PTGIS: variants seen among roughly 807,000 people sequenced by gnomAD.
PTGIS encodes prostaglandin I2 synthase, also known as prostacyclin synthase.
PTGIS carries 45 observed loss-of-function variants against 50.3 expected under a neutral mutation model. That is an observed-to-expected ratio of 0.90 (90% confidence interval 0.70 to 1.15). The LOEUF (loss-of-function observed/expected upper bound fraction) is 1.15, where lower values mean the gene tolerates loss of function less well. Ranked by LOEUF, PTGIS falls within the 50% of genes most tolerant of loss-of-function variation. The pLI is 0.00. For synonymous variants in PTGIS, 260 were observed against 267.7 expected, an observed-to-expected ratio of 0.97 and a Z score of 0.28; for missense variants, 668 against 661.3, an observed-to-expected ratio of 1.01 and a Z score of -0.11.
intron 6 of PTGIS, among the ~76,000 whole-genome samples, chr20:49,520,581 G>A (rs1434815931): frequency 1.3e-5 from 2 of 151,994 alleles, no homozygotes; most frequent in Admixed American, 6.5e-5. Flanking sequence ...TTATCTGCCT[G>A]CCTTGGCCTC....
intron 1 of PTGIS, among the ~76,000 whole-genome samples, chr20:49,560,327 G>A (rs956690612): frequency 2.0e-5 from 3 of 152,134 alleles, no homozygotes; most frequent in African/African-American, 7.2e-5. Context: ...AGCCTCCCGA[G>A]TAGCTGGCAC....
intron 6 of PTGIS, among the ~76,000 whole-genome samples, chr20:49,520,790 C>T (rs905683466): frequency 1.3e-5 from 2 of 152,106 alleles, no homozygotes; most frequent in African/African-American, 4.8e-5. Flanking sequence ...CCTCAGCCTC[C>T]CAAGTAGCTG....
intron 1 of PTGIS, among the ~76,000 whole-genome samples, chr20:49,551,836 G>A (rs1982518836): frequency 6.8e-6 from 1 of 146,802 alleles, no homozygotes. Context: ...GTGTGTGTGT[G>A]TGTGTGTGTA....
At chr20:49,510,631 C>A (rs555113963) in intron 9 of PTGIS, among the ~76,000 whole-genome samples, 2 of 152,224 alleles carry the variant, frequency 1.3e-5, no homozygotes, top group East Asian at 3.9e-4. Context: ...GGCTCTCGGC[C>A]CCACAGGTAT....
chr20:49,560,804 G>A lies in PTGIS; in HGVS notation c.74+7239C>T, dbSNP rs139610481. 9.4e-3 allele frequency among the ~76,000 whole-genome samples: 1,426 copies of A among 152,318 alleles called. 11 individuals are homozygous for A. The highest frequency in any genetic ancestry group is 0.012 in the Non-Finnish European group (790 of 68,030). ...GGAGTGGAGAATGTGGGGACGAGAC[G>A]TAGGCGATGATGCTGGAGATGACTT... On this transcript the variant is annotated intron_variant, in intron 1 of 9. Transcript: ENST00000244043.
intron 6 of PTGIS, among the ~76,000 whole-genome samples, chr20:49,515,112 T>G (rs6019880): frequency 6.6e-6 from 1 of 152,058 alleles, no homozygotes; most frequent in Admixed American, 6.5e-5. Flanking sequence ...CTAACTGGTG[T>G]GATATCTAAA....
intron 1 of PTGIS, 92 bp from the exon 2 acceptor site, chr20:49,550,281 C>T (rs1335341116): frequency 1.6e-5 from 24 of 1,531,214 alleles, no homozygotes; most frequent in Middle Eastern, 2.3e-4. Flanking sequence ...ATGGAGCAGT[C>T]GGGGAGGTAA....
At chr20:49,554,415 G>A (rs376034454) in intron 1 of PTGIS, among the ~76,000 whole-genome samples, 7 of 152,268 alleles carry the variant, frequency 4.6e-5, no homozygotes, top group African/African-American at 1.7e-4. Flanking sequence ...TTACATCCTT[G>A]TAACTTTCTG....
intron 5 of PTGIS, among the ~76,000 whole-genome samples, chr20:49,530,156 A>C (rs75304782): frequency 3.2e-3 from 4 of 1,242 alleles, no homozygotes; most frequent in South Asian, 0.33. Flanking sequence ...CTCTGTCTCA[A>C]AAAAAAAAAA....
intron 6 of PTGIS, among the ~76,000 whole-genome samples, chr20:49,523,512 G>C (rs975679231): frequency 7.9e-5 from 12 of 151,558 alleles, no homozygotes; most frequent in Non-Finnish European, 1.8e-4. Context: ...AAAACAAAAA[G>C]AAGCTGGGCG....
intron 5 of PTGIS, among the ~76,000 whole-genome samples, chr20:49,529,588 G>A (rs576571364): frequency 5.0e-4 from 76 of 152,168 alleles, no homozygotes; most frequent in African/African-American, 1.7e-3. Flanking sequence ...GTTTGAAATC[G>A]CACACCATTC....
Position 49,523,985 on chromosome 20 carries a change from GCA to G in PTGIS, c.855+71_855+72del, listed in dbSNP as rs1357484061. Reference sequence around the variant, plus strand: ...CACACCTGCACAGGTGCACAGACATGCACACACACATGCGTTCATATCGCAAC... The same window carrying G: ...CACACCTGCACAGGTGCACAGACATGCACACACATGCGTTCATATCGCAAC... On this transcript the variant is annotated intron_variant, in intron 6 of 9. Transcript: ENST00000244043. 24 of 1,558,904 alleles carry G rather than the reference GCA, an allele frequency of 1.5e-5. No homozygotes were observed. The East Asian group carries it at 4.5e-4, about 29-fold the overall frequency.
In PTGIS at chr20:49,539,689, G is replaced by C. The variant is rs750488194; in HGVS notation, c.554C>G (p.Ala185Gly). 100 of 1,613,304 alleles carry C rather than the reference G, an allele frequency of 6.2e-5. 1 individual carries two copies. The highest frequency in any genetic ancestry group is 1.4e-5 in the Non-Finnish European group (17 of 1,179,938). Reference sequence around the variant, plus strand: ...CTGGCTTTCATGGGTGCGTGGCAGCGCCTCAATTCCGTAAAGAGTCAGGTA... The same window carrying C: ...CTGGCTTTCATGGGTGCGTGGCAGCCCCTCAATTCCGTAAAGAGTCAGGTA... ...AGYLTLYGIE[A>G]LPRTHESQAQ... The change falls in exon 5 of 10, where the codon GCG becomes GGG. Residue 185 changes from alanine to glycine, a missense_variant. Ala to Gly is a moderately conservative substitution (Grantham distance 60). Transcript: ENST00000244043.
rs1982956765 is a variant in PTGIS, at chr20:49,568,129, G to T, written c.-13C>A. 3 of 1,155,326 alleles carry T rather than the reference G, an allele frequency of 2.6e-6. No individual in the cohort carries two copies. The highest frequency in any genetic ancestry group is 2.2e-6 in the Non-Finnish European group (2 of 891,164). 71.6% of individuals were successfully genotyped at this position (1,155,326 alleles called of 1,614,324 possible). A position where few individuals can be genotyped will look rare whatever the true frequency, so the allele number is the denominator to read the frequency against. On this transcript the variant is annotated 5_prime_UTR_variant, in exon 1 of 10. Coordinates refer to ENST00000244043, the MANE Select transcript of PTGIS (RefSeq NM_000961.4). ...CGGCCCAAGCCATCGCGGGGCTGGCGGGGCTGGCGGGGCTGGCGGGGCTGG... is the reference window on the plus strand; with the variant it reads ...CGGCCCAAGCCATCGCGGGGCTGGCTGGGCTGGCGGGGCTGGCGGGGCTGG...
At position 49,524,713 on chromosome 20, in the gene PTGIS, T is replaced by C. The variant is rs142055372; in HGVS notation, c.674-474A>G. Among the ~76,000 whole-genome samples, 22 of 152,202 alleles carry C rather than the reference T, an allele frequency of 1.4e-4. No individual in the cohort carries two copies. In the East Asian group the frequency reaches 2.7e-3, roughly 19 times the overall value. On this transcript the variant is annotated intron_variant, in intron 5 of 9. Coordinates refer to ENST00000244043, the MANE Select transcript of PTGIS (RefSeq NM_000961.4). ...TGGAAGGTGAAAGGCACATCTTACA[T>C]GGCGGCAAGCAAGAGAAAATGAAAG...
intron 1 of PTGIS, among the ~76,000 whole-genome samples, chr20:49,550,911 G>A (rs1258890162): frequency 6.6e-6 from 1 of 152,136 alleles, no homozygotes; most frequent in Non-Finnish European, 1.5e-5. Flanking sequence ...CTTTGTAGAT[G>A]GTAAAGTGCA....
intron 5 of PTGIS, among the ~76,000 whole-genome samples, chr20:49,528,177 G>C (rs1177735550): frequency 6.6e-6 from 1 of 152,152 alleles, no homozygotes; most frequent in Non-Finnish European, 1.5e-5. Flanking sequence ...GTTACCCATG[G>C]TCAACCATGG....
intron 6 of PTGIS, among the ~76,000 whole-genome samples, chr20:49,520,509 T>C (rs570266262): frequency 1.2e-3 from 178 of 152,156 alleles, no homozygotes; most frequent in African/African-American, 4.1e-3. Context: ...AATTTTTGTA[T>C]TTTTAGTAGA....
chr20:49,517,185 A>C (rs1981505710), intron 6 of PTGIS, among the ~76,000 whole-genome samples: 1 of 152,250 alleles, frequency 6.6e-6, no homozygotes, highest in Non-Finnish European at 1.5e-5. Context: ...CCAGCACCTC[A>C]GGTCCAGCTG....
Sources: gnomAD v4.1 joint callset for allele counts (sites outside exome capture counted in the v4.1 genomes callset) on GRCh38, gnomAD v4.1.1 for gene constraint, MANE v1.5 for transcripts, NCBI Gene and HGNC (gene_info 2026-07-23, HGNC 2026-07-21) for gene names.